HMCN1: variants seen among roughly 807,000 people sequenced by gnomAD.
HMCN1 encodes hemicentin 1, also known as hemicentin-1.
HMCN1 carries 321 observed loss-of-function variants against 625.9 expected under a neutral mutation model. The observed-to-expected ratio is 0.51, with a 90% CI of 0.47 to 0.56. The LOEUF (loss-of-function observed/expected upper bound fraction) is 0.56. Among genes scored for constraint, HMCN1 ranks in the 20% least tolerant of loss-of-function variants. The pLI is 0.00. For missense variants in HMCN1, 6,588 were observed against 6,887.3 expected (o/e 0.96, Z 1.54); for synonymous variants, 2,425 against 2,417.6 (o/e 1.00, Z -0.09).
chr1:185,791,942 A>T (rs550110854), intron 1 of HMCN1, among the ~76,000 whole-genome samples: 8 of 152,292 alleles, frequency 5.3e-5, no homozygotes, highest in African/African-American at 1.7e-4. Context: ...GGCCAACAGG[A>T]AATTGAAGGT....
At chr1:186,064,019 T>C (rs1657948533) in intron 48 of HMCN1, among the ~76,000 whole-genome samples, 2 of 152,174 alleles carry the variant, frequency 1.3e-5, no homozygotes, top group Non-Finnish European at 2.9e-5. Flanking sequence ...TTTGTCTGCC[T>C]TATGTGAGCA....
In HMCN1 at chr1:186,145,923, G is replaced by A; in HGVS notation, c.14608G>A (p.Gly4870Ser). The change falls in exon 93 of 107, where the codon GGT (glycine) becomes AGT (serine). Residue 4870 changes from glycine to serine, a missense_variant and splice_region_variant. Physicochemically the swap from Gly to Ser is moderately conservative, Grantham distance 56. Coordinates refer to ENST00000271588, the MANE Select transcript of HMCN1 (RefSeq NM_031935.3). ...CAGGTGCAATGTACAAGCATGTCCA[G>A]GTAAGCAACTAAATTGGACTTTGGT... Reference protein sequence around the residue: ...VTRCNVQACPGGPQRARGSVI... With the variant: ...VTRCNVQACPSGPQRARGSVI... 1 of 1,613,712 alleles carries A rather than the reference G, an allele frequency of 6.2e-7. No individual in the cohort carries two copies. The highest frequency in any genetic ancestry group is 8.5e-7 in the Non-Finnish European group (1 of 1,179,914).
At chr1:185,852,987 G>A (rs1662253999) in intron 2 of HMCN1, among the ~76,000 whole-genome samples, 1 of 152,074 alleles carries the variant, frequency 6.6e-6, no homozygotes, top group African/African-American at 2.4e-5. Context: ...AAAATAGCAA[G>A]TAGCAAAGCT....
chr1:186,087,762 A>T, intron 60 of HMCN1, 117 bp downstream of exon 60: 1 of 1,224,806 alleles, frequency 8.2e-7, no homozygotes, highest in Non-Finnish European at 1.2e-6. Flanking sequence ...TTAAAAAAAT[A>T]CATAGCCAAT....
chr1:186,093,915 A>G (rs773301915), intron 66 of HMCN1, among the ~76,000 whole-genome samples: 90 of 152,196 alleles, frequency 5.9e-4, no homozygotes, highest in Non-Finnish European at 1.1e-3. Context: ...GTTTGTTATC[A>G]TATATGTATT....
chr1:185,888,425 G>C (rs61829895), intron 4 of HMCN1, among the ~76,000 whole-genome samples: 242 of 132,960 alleles, frequency 1.8e-3, no homozygotes, highest in African/African-American at 6.2e-3. Flanking sequence ...TTTCTTTTAG[G>C]GTTTTTATGG....
rs896462189 is a variant in HMCN1, at chr1:186,118,061, T to A, written c.11848+438T>A. Among the ~76,000 whole-genome samples, 3 of 152,086 alleles carry A rather than the reference T, an allele frequency of 2.0e-5. 1 individual carries two copies. Among genetic ancestry groups the A allele is most frequent in the Admixed American group, 2.0e-4 (3 of 15,258 alleles). Reference sequence around the variant, plus strand: ...TGTATAACTAAAACAGGGTTCTAGGTTTCAAGGTTTTTAAAATTGAGTATG... The same window carrying A: ...TGTATAACTAAAACAGGGTTCTAGGATTCAAGGTTTTTAAAATTGAGTATG... On this transcript the variant is annotated intron_variant, in intron 77 of 106. Transcript: ENST00000271588.
Position 186,187,906 on chromosome 1 carries a change from A to T in HMCN1, c.16438A>T (p.Asn5480Tyr). The T allele has an allele frequency of 1.2e-6, 2 of 1,613,824 alleles. No homozygotes were observed. Among genetic ancestry groups the T allele is most frequent in the Non-Finnish European group, 1.7e-6 (2 of 1,179,784 alleles). The change falls in exon 106 of 107, where the codon AAT (asparagine) becomes TAT (tyrosine). Residue 5480 changes from asparagine to tyrosine, a missense_variant. Around this residue, in one of 3 missense-constraint regions of HMCN1, gnomAD observed 1,954 missense variants for 2,013.1 expected, o/e 0.97. Transcript: ENST00000271588. ...AGATATCGATGAATGTCTGGAGCAG[A>T]ATGTGCACTGTGGACCCAATCGCAT... ...CQDIDECLEQ[N>Y]VHCGPNRMCF... is the part of the protein sequence containing the mutation.
In HMCN1 at chr1:186,128,226, G is replaced by A; in HGVS notation, c.12839G>A (p.Ser4280Asn). The change falls in exon 83 of 107, where the codon AGC becomes AAC. Residue 4280 changes from serine to asparagine, a missense_variant. By Grantham distance (46) the Ser-to-Asn change is conservative (BLOSUM62 1). Coordinates refer to ENST00000271588, the MANE Select transcript of HMCN1 (RefSeq NM_031935.3). ...SLNKGEQLRL[S>N]CKATGIPLPK... is the part of the protein sequence containing the mutation. ...AATAAAGGAGAACAGCTACGATTAA[G>A]CTGTAAAGCTACTGGTATTCCATTG... 6.2e-7 allele frequency: 1 copy of A among 1,613,586 alleles called. No homozygotes were observed. Among genetic ancestry groups the A allele is most frequent in the Non-Finnish European group, 8.5e-7 (1 of 1,179,690 alleles).
chr1:185,837,994 C>T (rs538958716), intron 1 of HMCN1, among the ~76,000 whole-genome samples: 1 of 152,310 alleles, frequency 6.6e-6, no homozygotes, highest in African/African-American at 2.4e-5. Context: ...CTTCAGAGAG[C>T]TGGCATCTAG....
intron 1 of HMCN1, among the ~76,000 whole-genome samples, chr1:185,819,432 C>T (rs906893381): frequency 4.6e-5 from 7 of 152,086 alleles, no homozygotes; most frequent in Non-Finnish European, 8.8e-5. Context: ...CATACTTTTT[C>T]CTATTTATCA....
intron 1 of HMCN1, among the ~76,000 whole-genome samples, chr1:185,774,368 C>A: frequency 6.6e-6 from 1 of 152,146 alleles, no homozygotes; most frequent in East Asian, 1.9e-4. Context: ...ACCAGTTTAT[C>A]TACTACAGGA....
chr1:185,894,731 G>C (rs983177870), intron 4 of HMCN1, among the ~76,000 whole-genome samples: 1 of 151,990 alleles, frequency 6.6e-6, no homozygotes, highest in African/African-American at 2.4e-5. Context: ...TTTTTGTATA[G>C]GTTTAGAAAA....
At chr1:186,155,587 G>A (rs545217585) in intron 97 of HMCN1, among the ~76,000 whole-genome samples, 3 of 152,154 alleles carry the variant, frequency 2.0e-5, no homozygotes, top group Admixed American at 1.3e-4. Flanking sequence ...CTACCTAATC[G>A]TGTACATTTT....
intron 104 of HMCN1, among the ~76,000 whole-genome samples, chr1:186,180,707 A>C (rs1652880891): frequency 6.6e-6 from 1 of 152,208 alleles, no homozygotes; most frequent in South Asian, 2.1e-4. Context: ...TTTCACAGTA[A>C]GGGTCAATCT....
chr1:185,792,440 A>G (rs547787271), intron 1 of HMCN1, among the ~76,000 whole-genome samples: 1 of 152,342 alleles, frequency 6.6e-6, no homozygotes, highest in South Asian at 2.1e-4. Context: ...AATGTCCAGG[A>G]CAGGAGCTGT....
At chr1:186,110,235 T>C (rs982008510) in intron 71 of HMCN1, among the ~76,000 whole-genome samples, 3 of 152,176 alleles carry the variant, frequency 2.0e-5, no homozygotes, top group Admixed American at 2.0e-4. Context: ...AATCTCTTGT[T>C]GAAGTCATAA....
intron 40 of HMCN1, among the ~76,000 whole-genome samples, chr1:186,041,398 G>T (rs1656196326): frequency 6.6e-6 from 1 of 152,106 alleles, no homozygotes; most frequent in Non-Finnish European, 1.5e-5. Flanking sequence ...AACCATGACT[G>T]GATAGCAGCT....
intron 1 of HMCN1, among the ~76,000 whole-genome samples, chr1:185,793,933 C>T (rs1346441029): frequency 1.3e-5 from 2 of 152,138 alleles, no homozygotes; most frequent in African/African-American, 4.8e-5. Context: ...TTACTAAGAA[C>T]TATCAGAAAG....
Sources: gnomAD v4.1 joint callset for allele counts (sites outside exome capture counted in the v4.1 genomes callset) on GRCh38, gnomAD v4.1.1 for gene constraint, gnomAD v4.1.1 regional missense constraint, MANE v1.5 for transcripts, NCBI Gene and HGNC (gene_info 2026-07-23, HGNC 2026-07-21) for gene names.